Variants in SPINK5 observed in about 807,000 individuals in gnomAD.
SPINK5 encodes serine protease inhibitor Kazal-type 5.
A neutral mutation model predicts 151.8 loss-of-function variants in SPINK5; 125 were observed. The ratio of observed to expected loss-of-function variants is 0.82; its 90% CI spans 0.71 to 0.96. The LOEUF (loss-of-function observed/expected upper bound fraction) is 0.96, where lower values mean the gene tolerates loss of function less well. Ranked by LOEUF, SPINK5 falls within the 40% of genes least tolerant of loss-of-function variation. SPINK5 has a pLI of 0.00. For synonymous variants in SPINK5, 374 were observed against 395.3 expected, an observed-to-expected ratio of 0.95 and a Z score of 0.64; for missense variants, 1,194 against 1,291.9, an observed-to-expected ratio of 0.92 and a Z score of 1.16.
Position 148,094,480 on chromosome 5 carries a change from T to C in SPINK5, c.793T>C (p.Phe265Leu). 6.2e-7 allele frequency: 1 copy of C among 1,612,326 alleles called. No homozygotes were observed. The highest frequency in any genetic ancestry group is 8.5e-7 in the Non-Finnish European group (1 of 1,178,864). Residue 265 changes from phenylalanine to leucine, a missense_variant and splice_region_variant, in exon 9 of 33, where the codon TTC (phenylalanine) becomes CTC (leucine). By Grantham distance (22) the Phe-to-Leu change is conservative. Transcript: ENST00000256084. ...CAAATGTGCCCTGTGTGCTGAAATT[T>C]TGTGAGTATAGAAGTGGTTTTTTCA... ...GNKCALCAEI[F>L]KQRFSEENSK...
At position 148,114,374 on chromosome 5, in the gene SPINK5, G is replaced by T; in HGVS notation, c.1900G>T (p.Glu634Ter). Residue 634 changes from glutamate to a stop codon, truncating the protein, a stop_gained, in exon 21 of 33, where the codon GAA (glutamate) becomes TAA (stop). Coordinates refer to ENST00000256084, the MANE Select transcript of SPINK5 (RefSeq NM_006846.4). LOFTEE classifies it high-confidence loss of function. The stretch of plus-strand genomic sequence containing the variant: ...CTTTTCCTTTTAGGAGACATGCGAT[G>T]AATTTCGGAGACTTTTGCAAAATGG... The part of the protein sequence containing the change: ...KREAEKETCD[E>*]FRRLLQNGKL... 6.2e-7 allele frequency: 1 copy of T among 1,611,590 alleles called. No homozygotes were observed. The highest frequency in any genetic ancestry group is 1.1e-5 in the South Asian group (1 of 90,906).
chr5:148,131,459 A>G (rs1754571449), intron 31 of SPINK5, 70 bp downstream of exon 31: 1 of 1,598,658 alleles, frequency 6.3e-7, no homozygotes, highest in Non-Finnish European at 8.6e-7. Flanking sequence ...AACCCATAGT[A>G]ATGCACTGAT....
intron 4 of SPINK5, 82 bp from the exon 5 acceptor site, chr5:148,086,323 G>T: frequency 1.3e-6 from 2 of 1,543,970 alleles, no homozygotes; most frequent in South Asian, 1.2e-5. Flanking sequence ...ATTATTGTGG[G>T]CTTAAAATGT....
At chr5:148,122,234 G>A (rs1336907497) in intron 26 of SPINK5, among the ~76,000 whole-genome samples, 4 of 152,062 alleles carry the variant, frequency 2.6e-5, no homozygotes, top group African/African-American at 9.7e-5. Flanking sequence ...TCAGAGGAGT[G>A]CTATTATAAA....
intron 13 of SPINK5, among the ~76,000 whole-genome samples, 159 bp from the exon 14 acceptor site, chr5:148,101,196 T>G (rs1753633186): frequency 6.6e-6 from 1 of 152,128 alleles, no homozygotes. Context: ...AGTTTTGTAA[T>G]GCAATTGTGA....
At chr5:148,125,560 G>A (rs1276467171) in intron 28 of SPINK5, 163 bp from the exon 29 acceptor site, 1 of 1,613,874 alleles carries the variant, frequency 6.2e-7, no homozygotes, top group African/African-American at 1.3e-5. Context: ...AGCGGAGGAT[G>A]CAAAATTTAG....
intron 26 of SPINK5, among the ~76,000 whole-genome samples, chr5:148,121,121 G>T (rs1289132936): frequency 8.7e-6 from 1 of 115,150 alleles, no homozygotes; most frequent in Non-Finnish European, 1.6e-5. Context: ...ACCAGCCTGG[G>T]CGACAGAGCA....
intron 5 of SPINK5, among the ~76,000 whole-genome samples, chr5:148,087,916 A>G (rs1264602181): frequency 1.3e-5 from 2 of 150,700 alleles, no homozygotes; most frequent in East Asian, 2.0e-4. Flanking sequence ...TATCACTTTT[A>G]AATATTTAGT....
intron 17 of SPINK5, among the ~76,000 whole-genome samples, chr5:148,108,520 A>T (rs1398041309): frequency 6.6e-6 from 1 of 152,124 alleles, no homozygotes; most frequent in Admixed American, 6.6e-5. Context: ...TGAGGGCCAC[A>T]GACTGATAAA....
At chr5:148,106,926 G>A (rs1753795656) in intron 16 of SPINK5, 111 bp from the exon 17 acceptor site, 1 of 1,409,650 alleles carries the variant, frequency 7.1e-7, no homozygotes, top group South Asian at 1.2e-5. Flanking sequence ...ACTACTATGT[G>A]TTATCACTTT....
At chr5:148,121,076 C>T (rs1361578987) in intron 26 of SPINK5, among the ~76,000 whole-genome samples, 6 of 82,002 alleles carry the variant, frequency 7.3e-5, no homozygotes, top group Non-Finnish European at 1.1e-4. Context: ...ACCTGGGAGG[C>T]GAGCTTGCAG....
At chr5:148,103,680 C>G (rs550743622) in intron 15 of SPINK5, among the ~76,000 whole-genome samples, 1 of 152,060 alleles carries the variant, frequency 6.6e-6, no homozygotes, top group Non-Finnish European at 1.5e-5. Context: ...AAGAAATAAC[C>G]TTTATCACCT....
chr5:148,073,183 T>C (rs1215683795), intron 4 of SPINK5, among the ~76,000 whole-genome samples: 3 of 151,852 alleles, frequency 2.0e-5, no homozygotes, highest in African/African-American at 4.8e-5. Flanking sequence ...TCCACTTTCT[T>C]TTCCTTCTCT....
intron 7 of SPINK5, among the ~76,000 whole-genome samples, chr5:148,090,286 C>T (rs1753274781): frequency 6.6e-6 from 1 of 151,830 alleles, no homozygotes; most frequent in South Asian, 2.1e-4. Context: ...AAAATCAGGA[C>T]AGAGATTTAA....
intron 16 of SPINK5, among the ~76,000 whole-genome samples, chr5:148,105,973 T>G (rs959937617): frequency 7.9e-5 from 12 of 152,128 alleles, no homozygotes; most frequent in African/African-American, 2.6e-4. Context: ...ACCTCATCAT[T>G]ACTTGGGGAA....
At chr5:148,136,381 A>C (rs1383892233) in intron 32 of SPINK5, among the ~76,000 whole-genome samples, 2 of 152,140 alleles carry the variant, frequency 1.3e-5, no homozygotes, top group Non-Finnish European at 2.9e-5. Flanking sequence ...TGGAGATTTG[A>C]GTTTGGAATG....
At chr5:148,090,064 A>G (rs1753269242) in intron 7 of SPINK5, among the ~76,000 whole-genome samples, 1 of 151,826 alleles carries the variant, frequency 6.6e-6, no homozygotes, top group African/African-American at 2.4e-5. Flanking sequence ...GAATCTATTT[A>G]TTAGCTTAAA....
intron 4 of SPINK5, among the ~76,000 whole-genome samples, chr5:148,079,748 G>C (rs754881074): frequency 6.6e-6 from 1 of 151,006 alleles, no homozygotes; most frequent in Non-Finnish European, 1.5e-5. Context: ...ATAGAAGTAA[G>C]CTTTTTCAGT....
chr5:148,117,826 G>A (rs1436917598), intron 22 of SPINK5, among the ~76,000 whole-genome samples: 1 of 152,196 alleles, frequency 6.6e-6, no homozygotes, highest in Admixed American at 6.5e-5. Context: ...AATCCCCCAA[G>A]TGTACCAAGG....
Sources: allele counts gnomAD v4.1 joint callset (sites outside exome capture counted in the v4.1 genomes callset), GRCh38; gene constraint gnomAD v4.1.1; transcripts MANE v1.5; gene names NCBI Gene and HGNC (gene_info 2026-07-23, HGNC 2026-07-21).